SYNPR: variants seen among roughly 807,000 people sequenced by gnomAD.
SYNPR encodes synaptoporin.
A neutral mutation model predicts 32.9 loss-of-function variants in SYNPR; 23 were observed. The ratio of observed to expected loss-of-function variants is 0.70; its 90% CI spans 0.50 to 0.99. The LOEUF (loss-of-function observed/expected upper bound fraction) is 0.99. SYNPR is among the 50% of genes least tolerant of loss of function. The pLI, the probability that SYNPR is intolerant of heterozygous loss-of-function variation, is 0.00. For missense variants in SYNPR, 318 were observed against 349.3 expected (o/e 0.91, Z 0.71); for synonymous variants, 146 against 135.9 (o/e 1.07, Z -0.52).
In SYNPR at chr3:63,521,855, C is replaced by A. The variant is rs531852357; in HGVS notation, c.210-34688C>A. Among the ~76,000 whole-genome samples, 6 of 152,302 alleles carry A rather than the reference C, an allele frequency of 3.9e-5. No individual in the cohort carries two copies. In the South Asian group the frequency reaches 1.2e-3, roughly 32 times the overall value. On this transcript the variant is annotated intron_variant, in intron 3 of 5. Coordinates refer to ENST00000478300, the MANE Select transcript of SYNPR (RefSeq NM_001130003.2). ...GTGCAGGGAAACCTCAAGAGGCATG[C>A]CTGAGGGCTGGCATTGGCCATAGCT...
chr3:63,291,985 A>G (rs947539241), intron 2 of SYNPR, among the ~76,000 whole-genome samples: 1 of 152,196 alleles, frequency 6.6e-6, no homozygotes, highest in African/African-American at 2.4e-5. Context: ...CCTACTACAC[A>G]CCTAGGCTAC....
At chr3:63,266,430 C>G (rs1458965418) in intron 2 of SYNPR, among the ~76,000 whole-genome samples, 1 of 151,740 alleles carries the variant, frequency 6.6e-6, no homozygotes, top group Non-Finnish European at 1.5e-5. Context: ...AGGCCGGGAG[C>G]GGTGGCTCAT....
At chr3:63,424,883 T>C (rs1699866217) in intron 2 of SYNPR, among the ~76,000 whole-genome samples, 1 of 152,176 alleles carries the variant, frequency 6.6e-6, no homozygotes, top group African/African-American at 2.4e-5. Context: ...AGGAAAAGCT[T>C]CAGACAAAGA....
chr3:63,272,236 T>G (rs762305793), intron 3 of SYNPR, among the ~76,000 whole-genome samples: 33 of 152,178 alleles, frequency 2.2e-4, no homozygotes, highest in Non-Finnish European at 4.1e-4. Context: ...TGCTAAGTGA[T>G]GGAGTTGGTA....
rs1022197804 is a variant in SYNPR at position 63,278,376 on chromosome 3, G to T, written c.-158G>T. 1 of 894,902 alleles carries T rather than the reference G, an allele frequency of 1.1e-6. No individual in the cohort carries two copies. Among genetic ancestry groups the T allele is most frequent in the Non-Finnish European group, 1.7e-6 (1 of 599,480 alleles). The allele number at this position is 894,902 out of a possible 1,614,324, so 55.4% of individuals were successfully genotyped here. On this transcript the variant is annotated 5_prime_UTR_variant, in exon 1 of 6. Transcript: ENST00000478300. The stretch of plus-strand genomic sequence containing the variant: ...CGGAGCGCAGAGCCCAGCGTTAGCG[G>T]GTGGGCTCCCCGAGGCCCCCTGCCC...
At chr3:63,245,233 C>A (rs11914916) in intron 1 of SYNPR, among the ~76,000 whole-genome samples, 79,238 of 151,658 alleles carry the variant, frequency 0.52, 21,464 homozygotes, top group Non-Finnish European at 0.58. Context: ...TCCTGAATCA[C>A]AATAAAGCAA....
intron 3 of SYNPR, among the ~76,000 whole-genome samples, chr3:63,527,657 A>G (rs1412796972): frequency 6.6e-6 from 1 of 152,158 alleles, no homozygotes; most frequent in Non-Finnish European, 1.5e-5. Context: ...CAAGAGAGAA[A>G]ACTATCCTTG....
Position 63,428,080 on chromosome 3 carries a change from G to T in SYNPR, c.85-52752G>T, listed in dbSNP as rs77897077. 1.4e-3 allele frequency among the ~76,000 whole-genome samples: 219 copies of T among 152,156 alleles called. 3 individuals carry two copies. In the East Asian group the frequency reaches 0.035, roughly 24 times the overall value. On this transcript the variant is annotated intron_variant, in intron 2 of 5. Coordinates refer to ENST00000478300, the MANE Select transcript of SYNPR (RefSeq NM_001130003.2). Reference sequence around the variant, plus strand: ...TCTTTGAACCAACAATTTCATAGTTGGGAATTAAATGAATTGCAGCGTTGT... The same window carrying T: ...TCTTTGAACCAACAATTTCATAGTTTGGAATTAAATGAATTGCAGCGTTGT...
At chr3:63,446,851 C>T (rs2107169385) in intron 2 of SYNPR, among the ~76,000 whole-genome samples, 1 of 152,270 alleles carries the variant, frequency 6.6e-6, no homozygotes, top group South Asian at 2.1e-4. Context: ...TTGGTGTGAT[C>T]TGCTGTGTCT....
Position 63,472,984 on chromosome 3 carries a change from G to A in SYNPR, c.85-7848G>A, listed in dbSNP as rs528539059. Among the ~76,000 whole-genome samples the A allele has an allele frequency of 1.1e-4, 17 of 152,192 alleles. 1 individual carries two copies. The South Asian group carries it at 2.5e-3, about 22-fold the overall frequency. On this transcript the variant is annotated intron_variant, in intron 2 of 5. Transcript: ENST00000478300. Reference sequence around the variant, plus strand: ...AGGCTGGATATGGCCACGGGCTGTCGTTTTTGGATCCCTGGTAGCCCATAC... The same window carrying A: ...AGGCTGGATATGGCCACGGGCTGTCATTTTTGGATCCCTGGTAGCCCATAC...
intron 3 of SYNPR, among the ~76,000 whole-genome samples, chr3:63,524,003 C>T (rs1701958673): frequency 6.6e-6 from 1 of 151,918 alleles, no homozygotes; most frequent in Non-Finnish European, 1.5e-5. Context: ...CATCATCTAC[C>T]ACATCCCAAA....
chr3:63,465,426 C>G (rs893444723), intron 2 of SYNPR, among the ~76,000 whole-genome samples: 4 of 151,932 alleles, frequency 2.6e-5, no homozygotes, highest in African/African-American at 9.7e-5. Flanking sequence ...TTTGAATATT[C>G]TTTAAAAAGC....
intron 2 of SYNPR, among the ~76,000 whole-genome samples, chr3:63,350,231 CACACACACACAT>C (rs1175925880): frequency 2.2e-4 from 33 of 147,878 alleles, no homozygotes; most frequent in African/African-American, 7.3e-4. Context: ...CACACACACA[CACACACACACAT>C]ACAAACACAA....
intron 4 of SYNPR, among the ~76,000 whole-genome samples, chr3:63,603,366 A>G (rs539281716): frequency 2.6e-5 from 4 of 152,176 alleles, no homozygotes; most frequent in Admixed American, 2.6e-4. Context: ...TCCGGCTAGG[A>G]CTTCCCACAC....
intron 2 of SYNPR, among the ~76,000 whole-genome samples, chr3:63,310,466 C>T (rs1440344308): frequency 1.3e-5 from 2 of 151,910 alleles, no homozygotes; most frequent in Non-Finnish European, 2.9e-5. Flanking sequence ...AATTGGAAAT[C>T]TCATACTTTT....
At chr3:63,332,091 A>C (rs7631748) in intron 2 of SYNPR, among the ~76,000 whole-genome samples, 111,949 of 152,084 alleles carry the variant, frequency 0.74, 42,542 homozygotes, top group Non-Finnish European at 0.83. Flanking sequence ...AGATCTGGAA[A>C]AAACATTTCA....
At chr3:63,588,257 T>C (rs1445015783) in intron 4 of SYNPR, among the ~76,000 whole-genome samples, 2 of 152,070 alleles carry the variant, frequency 1.3e-5, no homozygotes, top group African/African-American at 2.4e-5. Flanking sequence ...GGGGTAGTTT[T>C]GTTCGGTTGA....
At chr3:63,374,624 T>C (rs967232374) in intron 2 of SYNPR, among the ~76,000 whole-genome samples, 2 of 152,226 alleles carry the variant, frequency 1.3e-5, no homozygotes, top group Non-Finnish European at 2.9e-5. Flanking sequence ...CCAAATTCTA[T>C]TGTATGATCA....
chr3:63,315,795 G>T (rs974007945), intron 2 of SYNPR, among the ~76,000 whole-genome samples: 15 of 151,982 alleles, frequency 9.9e-5, no homozygotes, highest in African/African-American at 3.6e-4. Flanking sequence ...AGTGGTGAGA[G>T]TGGGCATCCT....
Sources: gnomAD v4.1 joint callset for allele counts (sites outside exome capture counted in the v4.1 genomes callset) on GRCh38, gnomAD v4.1.1 for gene constraint, MANE v1.5 for transcripts, NCBI Gene and HGNC (gene_info 2026-07-23, HGNC 2026-07-21) for gene names.